NFATC3: variants seen among roughly 807,000 people sequenced by gnomAD.
The protein encoded by NFATC3 is nuclear factor of activated T-cells, cytoplasmic 3.
NFATC3 carries 46 observed loss-of-function variants against 98.6 expected under a neutral mutation model. That is an observed-to-expected ratio of 0.47 (90% CI 0.37 to 0.60). The LOEUF (loss-of-function observed/expected upper bound fraction) is 0.60. Ranked by LOEUF, NFATC3 falls within the 20% of genes least tolerant of loss-of-function variation. NFATC3 has a pLI of 0.00. For synonymous variants in NFATC3, 512 were observed against 472.2 expected (o/e 1.08, Z -1.09); for missense variants, 1,256 against 1,295.5 (o/e 0.97, Z 0.47).
At chr16:68,088,344 T>C (rs1386296354) in intron 1 of NFATC3, among the ~76,000 whole-genome samples, 1 of 147,210 alleles carries the variant, frequency 6.8e-6, no homozygotes, top group Non-Finnish European at 1.5e-5. Context: ...ATATATAACA[T>C]ATATTATATA....
At chr16:68,127,451 C>G (rs1394079400) in intron 3 of NFATC3, among the ~76,000 whole-genome samples, 1 of 151,988 alleles carries the variant, frequency 6.6e-6, no homozygotes, top group Admixed American at 6.6e-5. Context: ...CTTTGTGATG[C>G]TGAGGCAAGT....
At chr16:68,215,721 A>AGTTT (rs2041606508) in intron 9 of NFATC3, among the ~76,000 whole-genome samples, 1 of 104,718 alleles carries the variant, frequency 9.5e-6, no homozygotes. Context: ...AGAGATTTGC[A>AGTTT]CTTTTTTTTT....
Position 68,119,159 on chromosome 16 carries a change from G to A in NFATC3, c.104-2828G>A, listed in dbSNP as rs114763908. On this transcript the variant is annotated intron_variant, in intron 1 of 9. Coordinates refer to ENST00000346183, the MANE Select transcript of NFATC3 (RefSeq NM_173165.3). ...TGGGATTAAAGGTGTGAGCCACTGC[G>A]CCCGACCAATACTGTGTTTTTAATA... is the stretch of plus-strand genomic sequence containing the variant. Among the ~76,000 whole-genome samples, 766 of 152,210 alleles carry A rather than the reference G, an allele frequency of 5.0e-3. 8 individuals are homozygous for A. The highest frequency in any genetic ancestry group is 0.017 in the African/African-American group (699 of 41,534).
chr16:68,098,294 A>ATTTTT (rs1376071084), intron 1 of NFATC3, among the ~76,000 whole-genome samples: 4 of 104,444 alleles, frequency 3.8e-5, no homozygotes, highest in African/African-American at 1.3e-4. Flanking sequence ...TATTATTATT[A>ATTTTT]TTATTATTTT....
rs769934765 is a variant in NFATC3, at chr16:68,226,429, G to A, written c.3186G>A (p.Pro1062=). The part of the protein sequence containing the change: ...GAGVSRQAPL[P]SPESLDLGRS... ...GGGTGAGCAGGCAGGCTCCCCTCCC[G>A]AGTCCTGAGTCCCTGGATTTAGGAA... The change falls in exon 10 of 10, where the codon CCG becomes CCA. Residue 1062 remains proline (P), a synonymous_variant. Coordinates refer to ENST00000346183, the MANE Select transcript of NFATC3 (RefSeq NM_173165.3). The A allele has an allele frequency of 4.1e-5, 64 of 1,565,178 alleles. No individual in the cohort carries two copies. The highest frequency in any genetic ancestry group is 6.0e-5 in the South Asian group (5 of 83,590).
intron 1 of NFATC3, among the ~76,000 whole-genome samples, chr16:68,092,510 C>G (rs2034776525): frequency 7.8e-6 from 1 of 128,930 alleles, no homozygotes; most frequent in South Asian, 2.7e-4. Context: ...GCCTGTAATC[C>G]CAGCACTTTG....
chr16:68,125,640 A>G (rs2036796250), intron 2 of NFATC3, among the ~76,000 whole-genome samples: 1 of 152,202 alleles, frequency 6.6e-6, no homozygotes, highest in Non-Finnish European at 1.5e-5. Context: ...GATATGTACC[A>G]GGGAGGGAGA....
chr16:68,132,145 T>G (rs1382246168), intron 3 of NFATC3, among the ~76,000 whole-genome samples: 1 of 152,132 alleles, frequency 6.6e-6, no homozygotes, highest in Admixed American at 6.6e-5. Flanking sequence ...ATCACAATCT[T>G]CCCCCAATAA....
chr16:68,132,105 G>C (rs889524121), intron 3 of NFATC3, among the ~76,000 whole-genome samples: 45 of 152,086 alleles, frequency 3.0e-4, no homozygotes, highest in Non-Finnish European at 8.8e-5. Flanking sequence ...TAGAAAAATA[G>C]CTTTTAGATA....
At chr16:68,168,498 ATTT>A (rs1281857207) in intron 5 of NFATC3, among the ~76,000 whole-genome samples, 8 of 136,138 alleles carry the variant, frequency 5.9e-5, no homozygotes, top group Admixed American at 2.9e-4. Context: ...TATTATTATT[ATTT>A]TTTAGACGGA....
chr16:68,116,984 T>TA (rs1244846887), intron 1 of NFATC3, among the ~76,000 whole-genome samples: 1 of 152,206 alleles, frequency 6.6e-6, no homozygotes, highest in Non-Finnish European at 1.5e-5. Flanking sequence ...ACTGTTTGCT[T>TA]GTTTTTCCTG....
At chr16:68,152,792 C>G (rs1258535347) in intron 3 of NFATC3, among the ~76,000 whole-genome samples, 1 of 152,192 alleles carries the variant, frequency 6.6e-6, no homozygotes, top group Non-Finnish European at 1.5e-5. Context: ...ATGTGGAATT[C>G]CAAAGTAACC....
chr16:68,183,373 G>C lies in NFATC3; in HGVS notation c.2098+7G>C. The C allele has an allele frequency of 6.2e-7, 1 of 1,610,868 alleles. No individual in the cohort carries two copies. Among genetic ancestry groups the C allele is most frequent in the Non-Finnish European group, 8.5e-7 (1 of 1,179,880 alleles). On this transcript the variant is annotated splice_region_variant and intron_variant, in intron 8 of 9. Transcript: ENST00000346183. ...CGTTTTACTTATACACCAGGTACGA[G>C]GAGTCATGATGGTTTACTATAGAGC...
intron 1 of NFATC3, among the ~76,000 whole-genome samples, chr16:68,088,496 T>TATATATTTTATATATAA (rs2034522641): frequency 2.5e-5 from 3 of 119,070 alleles, no homozygotes; most frequent in Non-Finnish European, 3.8e-5. Flanking sequence ...ATAATATATA[T>TATATATTTTATATATAA]TTTATATATT....
chr16:68,166,528 C>T (rs964081816), intron 4 of NFATC3, among the ~76,000 whole-genome samples: 4 of 152,202 alleles, frequency 2.6e-5, no homozygotes, highest in African/African-American at 9.6e-5. Flanking sequence ...CAAAGCAAGT[C>T]ATAGGCCAGT....
At chr16:68,105,467 T>G (rs1319712129) in intron 1 of NFATC3, among the ~76,000 whole-genome samples, 1 of 152,184 alleles carries the variant, frequency 6.6e-6, no homozygotes, top group Non-Finnish European at 1.5e-5. Flanking sequence ...ACCCTTGCAT[T>G]CCTGGGATAA....
Position 68,164,275 on chromosome 16 carries a change from G to A in NFATC3, c.1602-2568G>A, listed in dbSNP as rs563137622. On this transcript the variant is annotated intron_variant, in intron 4 of 9. Transcript: ENST00000346183. ...AAACCAGTCAGGTGTGGCGGCGTGC[G>A]CCTGCAATCGCAGGCTGAGGCAGGA... is the stretch of plus-strand genomic sequence containing the variant. Among the ~76,000 whole-genome samples, 7 of 152,338 alleles carry A rather than the reference G, an allele frequency of 4.6e-5. No individual in the cohort carries two copies. The East Asian group carries it at 5.8e-4, about 13-fold the overall frequency.
chr16:68,226,149 G>T, intron 9 of NFATC3: 1 of 504,500 alleles, frequency 2.0e-6, no homozygotes, highest in South Asian at 3.5e-5. Flanking sequence ...CTGAATGAGA[G>T]AGAAAAAGAG....
At chr16:68,185,650 C>T (rs1444608760) in intron 8 of NFATC3, among the ~76,000 whole-genome samples, 7 of 151,866 alleles carry the variant, frequency 4.6e-5, no homozygotes, top group East Asian at 3.9e-4. Context: ...CCGAGGTGGG[C>T]GGATCATGAG....
Sources: allele counts gnomAD v4.1 joint callset (sites outside exome capture counted in the v4.1 genomes callset), GRCh38; gene constraint gnomAD v4.1.1; transcripts MANE v1.5; gene names NCBI Gene and HGNC (gene_info 2026-07-23, HGNC 2026-07-21).